Variants in ENOPH1 observed in about 807,000 individuals in gnomAD.
ENOPH1 encodes enolase-phosphatase E1.
A neutral mutation model predicts 31.1 loss-of-function variants in ENOPH1; 14 were observed. The observed-to-expected ratio is 0.45, with a 90% CI of 0.30 to 0.70. ENOPH1 has a LOEUF of 0.70. ENOPH1 is among the 30% of genes least tolerant of loss of function. The pLI, the probability that ENOPH1 is intolerant of heterozygous loss-of-function variation, is 0.09. For synonymous variants in ENOPH1, 127 were observed against 123.2 expected (o/e 1.03, Z -0.21); for missense variants, 243 against 321.5 (o/e 0.76, Z 1.87).
At chr4:82,432,078 G>C (rs772963377) in intron 1 of ENOPH1, among the ~76,000 whole-genome samples, 56 of 152,058 alleles carry the variant, frequency 3.7e-4, no homozygotes, top group African/African-American at 1.3e-3. Context: ...ACCATGCCTG[G>C]CTAATTTTTG....
At chr4:82,438,485 C>T (rs1357391425) in intron 1 of ENOPH1, among the ~76,000 whole-genome samples, 1 of 152,114 alleles carries the variant, frequency 6.6e-6, no homozygotes, top group African/African-American at 2.4e-5. Flanking sequence ...GAGACCCCAT[C>T]TCTACAAAAA....
At chr4:82,448,256 GT>G (rs1722247960) in intron 2 of ENOPH1, among the ~76,000 whole-genome samples, 1 of 136,466 alleles carries the variant, frequency 7.3e-6, no homozygotes, top group South Asian at 2.2e-4. Flanking sequence ...GTTTTGTTTT[GT>G]TTTGTTTTTT....
intron 2 of ENOPH1, among the ~76,000 whole-genome samples, chr4:82,449,487 C>T (rs550464931): frequency 1.9e-4 from 29 of 152,222 alleles, no homozygotes; most frequent in Admixed American, 5.2e-4. Flanking sequence ...CCGGAGCAGG[C>T]GTCTCAGATG....
At chr4:82,458,350 A>G (rs1028725418) in intron 5 of ENOPH1, among the ~76,000 whole-genome samples, 2 of 152,038 alleles carry the variant, frequency 1.3e-5, no homozygotes, top group Non-Finnish European at 2.9e-5. Flanking sequence ...CTACTAAAAT[A>G]CAAATATTAG....
At chr4:82,459,092 T>C (rs1722574657) in intron 5 of ENOPH1, among the ~76,000 whole-genome samples, 1 of 152,174 alleles carries the variant, frequency 6.6e-6, no homozygotes, top group African/African-American at 2.4e-5. Context: ...GATTTATATA[T>C]ATATATTCCA....
At chr4:82,454,642 C>A in intron 3 of ENOPH1, 80 bp from the exon 4 acceptor site, 1 of 1,480,596 alleles carries the variant, frequency 6.8e-7, no homozygotes, top group Non-Finnish European at 9.1e-7. Context: ...AAGAGAGAAA[C>A]ATATGGCATC....
chr4:82,432,352 G>A (rs1372642246), intron 1 of ENOPH1, among the ~76,000 whole-genome samples: 1 of 151,306 alleles, frequency 6.6e-6, no homozygotes. Flanking sequence ...CACGGTTTTT[G>A]TTTTTGTTTT....
At chr4:82,440,360 C>T (rs1449499219) in intron 1 of ENOPH1, among the ~76,000 whole-genome samples, 1 of 152,136 alleles carries the variant, frequency 6.6e-6, no homozygotes, top group Admixed American at 6.5e-5. Flanking sequence ...TTAGATGATC[C>T]TGGTGAGTAG....
intron 1 of ENOPH1, among the ~76,000 whole-genome samples, chr4:82,437,536 C>A (rs1184717867): frequency 6.6e-6 from 1 of 152,110 alleles, no homozygotes; most frequent in Non-Finnish European, 1.5e-5. Context: ...GTCCCATGCA[C>A]TCATTAACTT....
chr4:82,456,448 C>T (rs529352265), intron 4 of ENOPH1, among the ~76,000 whole-genome samples: 3 of 152,124 alleles, frequency 2.0e-5, no homozygotes, highest in Non-Finnish European at 2.9e-5. Context: ...AATTTCAAAA[C>T]GTTTTAACTA....
intron 1 of ENOPH1, among the ~76,000 whole-genome samples, chr4:82,439,970 C>T (rs1353645811): frequency 6.6e-6 from 1 of 151,964 alleles, no homozygotes; most frequent in Non-Finnish European, 1.5e-5. Flanking sequence ...AGTTTGGTTT[C>T]AGATGTGTTT....
At chr4:82,433,325 G>T (rs1721824792) in intron 1 of ENOPH1, among the ~76,000 whole-genome samples, 2 of 152,242 alleles carry the variant, frequency 1.3e-5, no homozygotes, top group Admixed American at 6.5e-5. Context: ...TGTGTCTGTG[G>T]CAGACTTATT....
intron 1 of ENOPH1, among the ~76,000 whole-genome samples, chr4:82,431,753 A>T (rs1295199610): frequency 2.6e-5 from 4 of 152,216 alleles, no homozygotes; most frequent in Non-Finnish European, 5.9e-5. Flanking sequence ...AATTCATTGC[A>T]GATACAAGTA....
chr4:82,441,491 A>G (rs543208082), intron 1 of ENOPH1, among the ~76,000 whole-genome samples: 13 of 152,132 alleles, frequency 8.5e-5, no homozygotes, highest in South Asian at 2.1e-4. Context: ...GTGTGGTGGC[A>G]GGCGTGGTGG....
chr4:82,454,657 T>A (rs1722436902), intron 3 of ENOPH1, 65 bp from the exon 4 acceptor site: 2 of 1,548,390 alleles, frequency 1.3e-6, no homozygotes. Flanking sequence ...GGCATCTGTT[T>A]TGACAGGTTT....
intron 5 of ENOPH1, among the ~76,000 whole-genome samples, chr4:82,457,970 A>G (rs1722533344): frequency 6.6e-6 from 1 of 152,206 alleles, no homozygotes; most frequent in African/African-American, 2.4e-5. Context: ...ATTTTGGAGA[A>G]TAGAAATAAT....
At position 82,430,724 on chromosome 4, in the gene ENOPH1, C is replaced by T. The variant is rs1578088847; in HGVS notation, c.-106C>T. The T allele has an allele frequency of 1.9e-6, 2 of 1,042,588 alleles. No individual in the cohort carries two copies. Among genetic ancestry groups the T allele is most frequent in the East Asian group, 2.5e-5 (1 of 39,518 alleles). 64.6% of individuals were successfully genotyped at this position (1,042,588 alleles called of 1,614,324 possible). ...CTTGGTCGCTGGCTCCGAGATCGCG[C>T]GGGGCCGCCGGAAGCCCAAGACGGT... On this transcript the variant is annotated 5_prime_UTR_variant, in exon 1 of 6. Transcript: ENST00000273920.
chr4:82,433,803 T>C lies in ENOPH1; in HGVS notation c.84+2890T>C, dbSNP rs114853211. ...TCACAAATCTACTTGAACAAAAAACTTTTAGTAGAGTATCTCAGTGACTAA... is the reference window on the plus strand; with the variant it reads ...TCACAAATCTACTTGAACAAAAAACCTTTAGTAGAGTATCTCAGTGACTAA... On this transcript the variant is annotated intron_variant, in intron 1 of 5. Transcript: ENST00000273920. Among the ~76,000 whole-genome samples the C allele has an allele frequency of 8.3e-3, 1,271 of 152,310 alleles. 17 individuals are homozygous for C. The highest frequency in any genetic ancestry group is 0.029 in the African/African-American group (1,192 of 41,568).
At chr4:82,454,975 T>A (rs1330435699) in intron 4 of ENOPH1, 121 bp downstream of exon 4, 2 of 908,882 alleles carry the variant, frequency 2.2e-6, no homozygotes, top group Non-Finnish European at 3.3e-6. Context: ...TAAAATTAGG[T>A]AAGAAGAAAA....
Sources: gnomAD v4.1 joint callset for allele counts (sites outside exome capture counted in the v4.1 genomes callset) on GRCh38, gnomAD v4.1.1 for gene constraint, MANE v1.5 for transcripts, NCBI Gene and HGNC (gene_info 2026-07-23, HGNC 2026-07-21) for gene names.